RIMS1: variants seen among roughly 807,000 people sequenced by gnomAD.
The protein encoded by RIMS1 is regulating synaptic membrane exocytosis protein 1.
A neutral mutation model predicts 214.1 loss-of-function variants in RIMS1; 83 were observed. That is an observed-to-expected ratio of 0.39 (90% confidence interval 0.32 to 0.47). RIMS1 has a LOEUF of 0.47. RIMS1 is among the 20% of genes least tolerant of loss of function. The probability of loss-of-function intolerance (pLI) is 0.99; values close to 1 mark genes in which losing one functional copy is unlikely to be tolerated. For synonymous variants in RIMS1, 793 were observed against 786.8 expected (o/e 1.01, Z -0.13); for missense variants, 2,050 against 2,161.8 (o/e 0.95, Z 1.03).
intron 6 of RIMS1, chr6:72,216,938 T>A (rs2056349689): frequency 7.7e-7 from 1 of 1,305,120 alleles, no homozygotes; most frequent in Non-Finnish European, 9.8e-7. Context: ...TCAATGAGAA[T>A]CTGTTCACTG....
intron 6 of RIMS1, among the ~76,000 whole-genome samples, chr6:72,218,703 A>G (rs2057294863): frequency 6.6e-6 from 1 of 152,150 alleles, no homozygotes; most frequent in African/African-American, 2.4e-5. Flanking sequence ...CACCATTATG[A>G]GAGGAAGGCT....
rs78095804 is a variant in RIMS1, at chr6:72,023,304, G to A, written c.245+54241G>A. Among the ~76,000 whole-genome samples the A allele has an allele frequency of 2.7e-3, 413 of 152,150 alleles. 19 individuals carry two copies. The East Asian group carries it at 0.07, about 26-fold the overall frequency. The stretch of plus-strand genomic sequence containing the variant: ...TGATATAGAACAGTGTCATACTTAC[G>A]TGTTGTAAATAAATAGCACAGTAGC... On this transcript the variant is annotated intron_variant, in intron 2 of 33. Transcript: ENST00000521978.
chr6:72,355,921 G>A (rs146806219), intron 29 of RIMS1, among the ~76,000 whole-genome samples: 4 of 152,282 alleles, frequency 2.6e-5, no homozygotes, highest in East Asian at 3.9e-4. Flanking sequence ...GACTCCCACT[G>A]TTCTCAGAAG....
intron 4 of RIMS1, among the ~76,000 whole-genome samples, chr6:72,152,734 AATATATGTAT>A (rs1475088181): frequency 1.6e-5 from 2 of 126,414 alleles, no homozygotes; most frequent in Admixed American, 8.9e-5. Context: ...ATATATATGG[AATATATGTAT>A]ATATATGTAT....
At chr6:72,231,419 G>T (rs2061929912) in intron 6 of RIMS1, among the ~76,000 whole-genome samples, 1 of 151,614 alleles carries the variant, frequency 6.6e-6, no homozygotes, top group Non-Finnish European at 1.5e-5. Flanking sequence ...TACAAATATT[G>T]TATGCTAAAA....
chr6:72,259,194 G>C, intron 18 of RIMS1, 83 bp downstream of exon 18: 1 of 1,127,466 alleles, frequency 8.9e-7, no homozygotes. Flanking sequence ...TAGCACATTA[G>C]AGAGTAAAAG....
At position 72,264,964 on chromosome 6, in the gene RIMS1, C is replaced by T; in HGVS notation, c.3117-11C>T. 6.4e-7 allele frequency: 1 copy of T among 1,563,114 alleles called. No individual in the cohort carries two copies. The highest frequency in any genetic ancestry group is 2.3e-5 in the East Asian group (1 of 43,658). ...TTCTGTTTCCTGCGTGTTTGTGTTG[C>T]TACGTTCCAGACATCTTGTTAGGCA... On this transcript the variant is annotated splice_polypyrimidine_tract_variant and intron_variant, in intron 19 of 33. Transcript: ENST00000521978.
chr6:72,075,286 C>T (rs1388615644), intron 2 of RIMS1, among the ~76,000 whole-genome samples: 1 of 151,910 alleles, frequency 6.6e-6, no homozygotes, highest in Non-Finnish European at 1.5e-5. Context: ...ACAAAAAAAA[C>T]GTGTAGAGAG....
At chr6:72,318,573 A>G (rs1438865914) in intron 28 of RIMS1, among the ~76,000 whole-genome samples, 2 of 152,056 alleles carry the variant, frequency 1.3e-5, no homozygotes, top group Non-Finnish European at 2.9e-5. Context: ...TAAATGCCTT[A>G]TATTAAACCA....
chr6:71,992,633 T>TTCTTCC (rs200976233), intron 2 of RIMS1, among the ~76,000 whole-genome samples: 9,975 of 150,214 alleles, frequency 0.066, 420 homozygotes, highest in Middle Eastern at 0.12. Context: ...CTTCTTCCTC[T>TTCTTCC]TCTTCCTCTT....
At chr6:72,318,481 T>C (rs2095948720) in intron 28 of RIMS1, among the ~76,000 whole-genome samples, 1 of 152,238 alleles carries the variant, frequency 6.6e-6, no homozygotes, top group African/African-American at 2.4e-5. Flanking sequence ...GCTGTGCTAC[T>C]ATCCCTCCCC....
chr6:72,134,102 T>G (rs2040887669), intron 4 of RIMS1, among the ~76,000 whole-genome samples: 1 of 152,110 alleles, frequency 6.6e-6, no homozygotes, highest in Non-Finnish European at 1.5e-5. Flanking sequence ...ATTTCTAATT[T>G]TCAATGTCTT....
At chr6:71,965,416 T>C (rs1440440614) in intron 1 of RIMS1, among the ~76,000 whole-genome samples, 1 of 152,208 alleles carries the variant, frequency 6.6e-6, no homozygotes, top group Non-Finnish European at 1.5e-5. Context: ...TTAATTCACA[T>C]ACTCTTAAGT....
chr6:71,962,007 C>A (rs1793084466), intron 1 of RIMS1, among the ~76,000 whole-genome samples: 1 of 152,008 alleles, frequency 6.6e-6, no homozygotes, highest in South Asian at 2.1e-4. Flanking sequence ...GAGAAATAAA[C>A]TGATTGTGTT....
chr6:72,333,565 A>C (rs2096742339), intron 28 of RIMS1, 35 bp from the exon 29 acceptor site: 7 of 1,428,300 alleles, frequency 4.9e-6, no homozygotes, highest in African/African-American at 1.4e-5. Context: ...CCTGTAATTT[A>C]TGGATGCATA....
In RIMS1 at chr6:72,250,391, A is replaced by C; in HGVS notation, c.2303A>C (p.Asp768Ala). The C allele has an allele frequency of 6.2e-7, 1 of 1,609,904 alleles. No homozygotes were observed. Among genetic ancestry groups the C allele is most frequent in the Non-Finnish European group, 8.5e-7 (1 of 1,177,012 alleles). Residue 768 changes from aspartate (D) to alanine (A), a missense_variant, in exon 13 of 34, where the codon GAT (aspartate) becomes GCT (alanine). This residue lies in a region of RIMS1 where 889 missense variants were observed against 885.5 expected (regional missense o/e 1.00). Coordinates refer to ENST00000521978, the MANE Select transcript of RIMS1 (RefSeq NM_014989.7). Reference protein sequence around the residue: ...QLIVNVLQATDLPARVDGRPR... With the variant: ...QLIVNVLQATALPARVDGRPR... ...ATTGTAAATGTTCTGCAAGCAACAG[A>C]TCTACCTGCTAGAGTAGATGGACGT... is the stretch of plus-strand genomic sequence containing the variant.
At chr6:72,259,884 G>A (rs2077248708) in intron 18 of RIMS1, among the ~76,000 whole-genome samples, 1 of 152,148 alleles carries the variant, frequency 6.6e-6, no homozygotes, top group Non-Finnish European at 1.5e-5. Context: ...TCAGTGAGGA[G>A]AAGGGTCATG....
intron 6 of RIMS1, among the ~76,000 whole-genome samples, chr6:72,217,895 GTAAC>G (rs1365619945): frequency 1.3e-5 from 2 of 152,128 alleles, no homozygotes; most frequent in African/African-American, 4.8e-5. Context: ...GGTTAAAAGA[GTAAC>G]TAGTGACTAA....
At chr6:71,953,235 C>T (rs974851177) in intron 1 of RIMS1, among the ~76,000 whole-genome samples, 8 of 152,070 alleles carry the variant, frequency 5.3e-5, no homozygotes, top group African/African-American at 1.4e-4. Context: ...GCCATCCACC[C>T]GCGTTAACTT....
Sources: allele counts gnomAD v4.1 joint callset (sites outside exome capture counted in the v4.1 genomes callset), GRCh38; gene constraint gnomAD v4.1.1; regional missense constraint gnomAD v4.1.1; transcripts MANE v1.5; gene names NCBI Gene and HGNC (gene_info 2026-07-23, HGNC 2026-07-21).